The following BRME1 variants were observed in gnomAD, a reference collection of about 807,000 sequenced individuals.
BRME1 encodes the protein break repair meiotic recombinase recruitment factor 1, also known as BRCA2 and MEILB2-associating protein 1.
BRME1 carries 31 observed loss-of-function variants against 52.6 expected under a neutral mutation model. The ratio of observed to expected loss-of-function variants is 0.59; its 90% CI spans 0.44 to 0.80. BRME1 has a LOEUF of 0.80. BRME1 is among the 30% of genes least tolerant of loss of function. BRME1 has a pLI of 0.00. For missense variants in BRME1, 804 were observed against 860.3 expected (o/e 0.93, Z 0.82); for synonymous variants, 359 against 353.6 (o/e 1.02, Z -0.17).
chr19:13,905,632 G>A (rs941552100), intron 1 of BRME1, 83 bp downstream of exon 1: 1 of 152,292 alleles, frequency 6.6e-6, no homozygotes, highest in East Asian at 1.9e-4. Flanking sequence ...CACTTTAAAG[G>A]GGACAGCTGG....
At chr19:13,901,010 T>C (rs770504303) in intron 2 of BRME1, among the ~76,000 whole-genome samples, 20 of 152,096 alleles carry the variant, frequency 1.3e-4, no homozygotes, top group Non-Finnish European at 2.8e-4. Context: ...GGTTTTGTTC[T>C]GTGGCCCAGG....
rs202218855 is a variant in BRME1 at position 13,897,028 on chromosome 19, CT to C, written c.32-1483del. Among the ~76,000 whole-genome samples the C allele has an allele frequency of 7.6e-3, 1,126 of 147,530 alleles. 15 individuals are homozygous for C. The highest frequency in any genetic ancestry group is 0.027 in the African/African-American group (1,067 of 38,814). On this transcript the variant is annotated intron_variant, in intron 2 of 8. Transcript: ENST00000586783. ...CTATCTTTTGAATTAAGAAAACTCCCTTACATCGAAACTTTTTTTTTTTTTT... is the reference window on the plus strand; with the variant it reads ...CTATCTTTTGAATTAAGAAAACTCCCTACATCGAAACTTTTTTTTTTTTTT...
Position 13,888,700 on chromosome 19 carries a change from A to AT in BRME1, c.1668+487dup, listed in dbSNP as rs1458500221. ...ACTTATGTATGTTTGGAAAAGAATC[A>AT]TATCAGGACCCCCAGAGGACCCTAA... On this transcript the variant is annotated intron_variant, in intron 6 of 8. Coordinates refer to ENST00000586783, the MANE Select transcript of BRME1 (RefSeq NM_001345843.2). The surrounding 1 kb of genome is among the most constrained non-coding windows in gnomAD (Gnocchi z 4.1). Among the ~76,000 whole-genome samples, 1 of 152,178 alleles carries AT rather than the reference A, an allele frequency of 6.6e-6. No individual in the cohort carries two copies. The highest frequency in any genetic ancestry group is 1.5e-5 in the Non-Finnish European group (1 of 68,032).
Position 13,883,406 on chromosome 19 carries a change from C to A in BRME1, c.1764-6G>T. 6.5e-7 allele frequency: 1 copy of A among 1,530,372 alleles called. No homozygotes were observed. The highest frequency in any genetic ancestry group is 8.8e-7 in the Non-Finnish European group (1 of 1,142,136). 94.8% of individuals were successfully genotyped at this position (1,530,372 alleles called of 1,614,324 possible). On this transcript the variant is annotated splice_polypyrimidine_tract_variant and splice_region_variant and intron_variant, in intron 7 of 8. Coordinates refer to ENST00000586783, the MANE Select transcript of BRME1 (RefSeq NM_001345843.2). This position sits in a 1 kb window ranked among gnomAD's most constrained non-coding sequence, Gnocchi z 4.2. ...CCTGGATCCCCACGAAGGTCCTGGC[C>A]AGCAGGGAAGGAAATTGAGAGTGGC...
At chr19:13,904,724 G>A in intron 2 of BRME1, 138 bp downstream of exon 2, 1 of 878,416 alleles carries the variant, frequency 1.1e-6, no homozygotes, top group South Asian at 1.5e-5. Context: ...ACAGGTGTGA[G>A]CCACCGCACC....
intron 2 of BRME1, among the ~76,000 whole-genome samples, chr19:13,899,478 T>G (rs1446925847): frequency 6.6e-6 from 1 of 152,134 alleles, no homozygotes; most frequent in Admixed American, 6.6e-5. Flanking sequence ...TCAGTTACAG[T>G]TCGGGAGTGC....
At chr19:13,893,037 T>G in intron 4 of BRME1, 105 bp downstream of exon 4, 1 of 1,363,850 alleles carries the variant, frequency 7.3e-7, no homozygotes, top group Middle Eastern at 1.8e-4. Context: ...CCAGCCCCTG[T>G]AGACCATGAG....
At chr19:13,900,897 C>G in intron 2 of BRME1, among the ~76,000 whole-genome samples, 1 of 152,078 alleles carries the variant, frequency 6.6e-6, no homozygotes, top group East Asian at 1.9e-4. Flanking sequence ...GTCTCGAACC[C>G]TGACCTCAAA....
At chr19:13,892,739 A>T in intron 5 of BRME1, 47 bp downstream of exon 5, 2 of 1,509,482 alleles carry the variant, frequency 1.3e-6, no homozygotes, top group East Asian at 4.5e-5. Context: ...CTGGGCCAGG[A>T]GGCTGCACCT....
At chr19:13,903,346 T>C (rs1301829962) in intron 2 of BRME1, among the ~76,000 whole-genome samples, 1 of 151,922 alleles carries the variant, frequency 6.6e-6, no homozygotes, top group African/African-American at 2.4e-5. Context: ...ACCCACTAGA[T>C]GTCAGTATAA....
At chr19:13,886,844 G>C (rs1339732085) in intron 6 of BRME1, among the ~76,000 whole-genome samples, 1 of 151,830 alleles carries the variant, frequency 6.6e-6, no homozygotes, top group Non-Finnish European at 1.5e-5. Context: ...CGCACCTGTG[G>C]TCCTAGCTAC....
In BRME1 at chr19:13,888,619, G is replaced by A. The variant is rs1969211240; in HGVS notation, c.1668+569C>T. 6.6e-6 allele frequency among the ~76,000 whole-genome samples: 1 copy of A among 152,246 alleles called. No homozygotes were observed. The highest frequency in any genetic ancestry group is 1.5e-5 in the Non-Finnish European group (1 of 68,040). ...GCCACATCCGGGCAGCCGGTGGGGCGGGCAGATCCCTGAAGGAGGCAAAGC... is the reference window on the plus strand; with the variant it reads ...GCCACATCCGGGCAGCCGGTGGGGCAGGCAGATCCCTGAAGGAGGCAAAGC... On this transcript the variant is annotated intron_variant, in intron 6 of 8. Coordinates refer to ENST00000586783, the MANE Select transcript of BRME1 (RefSeq NM_001345843.2). This position sits in a 1 kb window ranked among gnomAD's most constrained non-coding sequence, Gnocchi z 4.1.
Position 13,883,605 on chromosome 19 carries a change from G to C in BRME1, c.1764-205C>G. On this transcript the variant is annotated intron_variant, in intron 7 of 8. Coordinates refer to ENST00000586783, the MANE Select transcript of BRME1 (RefSeq NM_001345843.2). This position sits in a 1 kb window ranked among gnomAD's most constrained non-coding sequence, Gnocchi z 4.2. ...GAACCCAACCGCTTCTCCCCTACCT[G>C]CCCTGCCCTCTCAGGACGCTGCTGC... 1.9e-6 allele frequency: 1 copy of C among 536,864 alleles called. No individual in the cohort carries two copies. The highest frequency in any genetic ancestry group is 2.3e-5 in the South Asian group (1 of 42,736). The allele number at this position is 536,864 out of a possible 1,614,324, so 33.3% of individuals were successfully genotyped here.
At chr19:13,896,185 G>A (rs978427945) in intron 2 of BRME1, among the ~76,000 whole-genome samples, 1 of 151,880 alleles carries the variant, frequency 6.6e-6, no homozygotes, top group Non-Finnish European at 1.5e-5. Context: ...CAGGAGAATC[G>A]CTTGAACCTG....
At chr19:13,904,981 G>A in intron 1 of BRME1, 68 bp from the exon 2 acceptor site, 1 of 1,359,068 alleles carries the variant, frequency 7.4e-7, no homozygotes, top group Non-Finnish European at 1.1e-6. Context: ...AGTGGCTTTG[G>A]CTGAGAGCAG....
chr19:13,900,975 ATCTT>A (rs1255954997), intron 2 of BRME1, among the ~76,000 whole-genome samples: 1 of 149,288 alleles, frequency 6.7e-6, no homozygotes, highest in Admixed American at 6.7e-5. Context: ...GTGCCCAACA[ATCTT>A]TCTTTTTTTC....
In BRME1 at chr19:13,889,776, A is replaced by G; in HGVS notation, c.1080T>C (p.Asp360=). 6.2e-7 allele frequency: 1 copy of G among 1,611,988 alleles called. No individual in the cohort carries two copies. The highest frequency in any genetic ancestry group is 1.3e-5 in the African/African-American group (1 of 75,044). Residue 360 remains aspartate, a synonymous_variant, in exon 6 of 9, where the codon GAT becomes GAC. Coordinates refer to ENST00000586783, the MANE Select transcript of BRME1 (RefSeq NM_001345843.2). ...EERALEVAGP[D]GQASAISPAS... is the part of the protein sequence containing the mutation. The stretch of plus-strand genomic sequence containing the variant: ...CAGGTGATATGGCACTGGCCTGCCC[A>G]TCGGGCCCAGCCACCTCCAGAGCCC...
chr19:13,904,111 CTT>C (rs531058244), intron 2 of BRME1, among the ~76,000 whole-genome samples: 1 of 147,120 alleles, frequency 6.8e-6, no homozygotes. Context: ...TTCTTTCTTT[CTT>C]TTTTTTTTTG....
Position 13,882,825 on chromosome 19 carries a change from C to T in BRME1, c.1984G>A (p.Asp662Asn), listed in dbSNP as rs752161253. The change falls in exon 9 of 9, where the codon GAC (aspartate) becomes AAC (asparagine). Residue 662 changes from aspartate to asparagine, a missense_variant. Transcript: ENST00000586783. The part of the protein sequence containing the change: ...SKGPGNIPRG[D>N]PPWREL ...GCCTACAACTCCCTCCAGGGTGGGT[C>T]CCCTCGAGGGATATTCCCAGGCCCC... is the stretch of plus-strand genomic sequence containing the variant. 4 of 1,613,792 alleles carry T rather than the reference C, an allele frequency of 2.5e-6. No homozygotes were observed. In the African/African-American group the frequency reaches 4.0e-5, roughly 16 times the overall value.
Sources: allele counts gnomAD v4.1 joint callset (sites outside exome capture counted in the v4.1 genomes callset), GRCh38; gene constraint gnomAD v4.1.1; non-coding constraint Gnocchi (gnomAD v3.1); transcripts MANE v1.5; gene names NCBI Gene and HGNC (gene_info 2026-07-23, HGNC 2026-07-21).